ACSM6: variants seen among roughly 807,000 people sequenced by gnomAD.
ACSM6 encodes the protein acyl-CoA synthetase medium chain family member 6.
A neutral mutation model predicts 51.1 loss-of-function variants in ACSM6; 35 were observed. The ratio of observed to expected loss-of-function variants is 0.69; its 90% CI spans 0.52 to 0.91. The LOEUF is 0.91. ACSM6 is among the 40% of genes least tolerant of loss of function. The pLI is 0.00. For missense variants in ACSM6, 509 were observed against 584.1 expected (o/e 0.87, Z 1.32); for synonymous variants, 172 against 207.3 (o/e 0.83, Z 1.46).
chr10:95,228,505 T>C lies in ACSM6; in HGVS notation c.1303-139T>C, dbSNP rs545861124. The C allele has an allele frequency of 1.2e-5, 9 of 773,258 alleles. No individual in the cohort carries two copies. In the South Asian group the frequency reaches 2.5e-4, roughly 22 times the overall value. The allele number at this position is 773,258 out of a possible 1,614,324, so 47.9% of individuals were successfully genotyped here. A position where few individuals can be genotyped will look rare whatever the true frequency, so the allele number is the denominator to read the frequency against. On this transcript the variant is annotated intron_variant, in intron 10 of 10. Coordinates refer to ENST00000341686, the Ensembl canonical transcript of ACSM6. ...TTCTCCGTGTTTGTTGAGTTTTCTA[T>C]GTGAGATCCCCTGGAGAGTGGGGAT...
chr10:95,212,904 T>G (rs764559962), exon 7 of ACSM6: 5 of 1,613,856 alleles, frequency 3.1e-6, no homozygotes, highest in Non-Finnish European at 4.2e-6. Flanking sequence ...AATCCAGAGA[T>G]GTACCAGGAA....
chr10:95,224,868 T>C (rs1472235895), intron 9 of ACSM6, among the ~76,000 whole-genome samples: 1 of 152,248 alleles, frequency 6.6e-6, no homozygotes, highest in Non-Finnish European at 1.5e-5. Flanking sequence ...GCTAATTAAG[T>C]GTCCTTGTTT....
At chr10:95,209,633 C>T (rs1292777239) in intron 4 of ACSM6, among the ~76,000 whole-genome samples, 1 of 151,810 alleles carries the variant, frequency 6.6e-6, no homozygotes, top group Non-Finnish European at 1.5e-5. Context: ...TGTAAAAGGG[C>T]ACTGAAAAAT....
chr10:95,226,212 T>C (rs1318417257), intron 10 of ACSM6: 1 of 152,220 alleles, frequency 6.6e-6, no homozygotes, highest in East Asian at 1.9e-4. Context: ...TATTCTCCAA[T>C]TAACTTTCAC....
exon 6 of ACSM6, chr10:95,212,007 A>C (rs768513737): frequency 5.6e-6 from 9 of 1,613,980 alleles, no homozygotes; most frequent in Non-Finnish European, 7.6e-6. Context: ...GTCACATGCC[A>C]ACCTTCTGCC....
At chr10:95,198,032 A>C (rs1324494995) in intron 2 of ACSM6, among the ~76,000 whole-genome samples, 2 of 152,220 alleles carry the variant, frequency 1.3e-5, no homozygotes, top group East Asian at 1.9e-4. Context: ...ATTTCATACA[A>C]CACATGTTTT....
At chr10:95,215,436 C>T (rs1221959384) in intron 8 of ACSM6, among the ~76,000 whole-genome samples, 3 of 152,178 alleles carry the variant, frequency 2.0e-5, no homozygotes, top group Admixed American at 6.5e-5. Context: ...GTGTCATTTT[C>T]TCCAATATCA....
In ACSM6 at chr10:95,208,933, T is replaced by TAAAAAAAAAA. The variant is rs34370150; in HGVS notation, c.611+1536_611+1545dup. 5.9e-4 allele frequency among the ~76,000 whole-genome samples: 20 copies of TAAAAAAAAAA among 33,920 alleles called. 1 individual carries two copies. The highest frequency in any genetic ancestry group is 9.8e-4 in the Non-Finnish European group (18 of 18,342). The allele number at this position is 33,920 out of a possible 152,430, so 22.3% of individuals were successfully genotyped here. On this transcript the variant is annotated intron_variant, in intron 4 of 10. Transcript: ENST00000341686. ...CAGTATTTCAGTGTCCAGGGATGTT[T>TAAAAAAAAAA]AAAAAAAAAAAAAAAAAAAAAAAAA...
intron 9 of ACSM6, among the ~76,000 whole-genome samples, chr10:95,223,159 GAC>G (rs10572248): frequency 0.049 from 7,182 of 146,742 alleles, 462 homozygotes; most frequent in African/African-American, 0.15. Flanking sequence ...CACACATACA[GAC>G]ACACACACAC....
intron 7 of ACSM6, among the ~76,000 whole-genome samples, 168 bp from the exon 8 acceptor site, chr10:95,214,684 T>G (rs945098627): frequency 4.6e-5 from 7 of 152,164 alleles, no homozygotes; most frequent in Non-Finnish European, 8.8e-5. Context: ...CTAACTGGGG[T>G]GTCTGAATAG....
At chr10:95,199,217 C>A (rs967739098) in intron 2 of ACSM6, among the ~76,000 whole-genome samples, 4 of 152,204 alleles carry the variant, frequency 2.6e-5, no homozygotes, top group Non-Finnish European at 5.9e-5. Context: ...ACTATCTGAT[C>A]TTTGACAAAC....
chr10:95,203,403 T>G (rs2034813065), intron 3 of ACSM6, among the ~76,000 whole-genome samples: 1 of 152,122 alleles, frequency 6.6e-6, no homozygotes, highest in Admixed American at 6.5e-5. Context: ...ACTCGAATCA[T>G]CCCAAAACCA....
chr10:95,213,465 G>C (rs1459094098), intron 7 of ACSM6, among the ~76,000 whole-genome samples: 1 of 152,012 alleles, frequency 6.6e-6, no homozygotes, highest in Non-Finnish European at 1.5e-5. Context: ...ATTGGGGTGG[G>C]ATTATATAGA....
chr10:95,220,061 G>A (rs1331579517), intron 9 of ACSM6, 90 bp downstream of exon 9: 2 of 1,046,026 alleles, frequency 1.9e-6, no homozygotes, highest in South Asian at 1.4e-5. Flanking sequence ...GGTAGGCAAT[G>A]AGGAAAGTCC....
intron 5 of ACSM6, among the ~76,000 whole-genome samples, chr10:95,211,421 C>T (rs944181965): frequency 6.6e-6 from 1 of 152,194 alleles, no homozygotes; most frequent in Non-Finnish European, 1.5e-5. Context: ...TGTGTTGTTA[C>T]TCCACCCTCA....
intron 2 of ACSM6, among the ~76,000 whole-genome samples, chr10:95,199,239 A>G (rs965226691): frequency 6.6e-6 from 1 of 152,266 alleles, no homozygotes; most frequent in Non-Finnish European, 1.5e-5. Context: ...TGACAAAAAC[A>G]AGAAATGGAG....
intron 8 of ACSM6, among the ~76,000 whole-genome samples, chr10:95,216,476 C>G (rs952031297): frequency 2.6e-5 from 4 of 152,054 alleles, no homozygotes; most frequent in African/African-American, 9.7e-5. Context: ...ACAGCGGGAC[C>G]TGGAATCAAA....
At chr10:95,194,364 G>A in intron 1 of ACSM6, 61 bp downstream of exon 1, 1 of 908,150 alleles carries the variant, frequency 1.1e-6, no homozygotes, top group South Asian at 1.8e-5. Flanking sequence ...GTACTCATAA[G>A]GAAATTGTTT....
chr10:95,208,962 C>CA lies in ACSM6; in HGVS notation c.611+1548dup, dbSNP rs1463772918. On this transcript the variant is annotated intron_variant, in intron 4 of 10. Transcript: ENST00000341686. ...AAAAAAAAAAAAAAAAAAAAAAAAG[C>CA]AGTAAACGAGACAGTCAAACCCCGA... Among the ~76,000 whole-genome samples, 4 of 33,782 alleles carry CA rather than the reference C, an allele frequency of 1.2e-4. No individual in the cohort carries two copies. The Admixed American group carries it at 1.2e-3, about 10-fold the overall frequency. 22.2% of individuals were successfully genotyped at this position (33,782 alleles called of 152,430 possible).
Sources: gnomAD v4.1 joint callset for allele counts (sites outside exome capture counted in the v4.1 genomes callset) on GRCh38, gnomAD v4.1.1 for gene constraint, MANE v1.5 for transcripts, NCBI Gene and HGNC (gene_info 2026-07-23, HGNC 2026-07-21) for gene names.